The following DNMBP variants were observed in gnomAD, a reference collection of about 807,000 sequenced individuals.
DNMBP encodes dynamin-binding protein.
In DNMBP, 87 loss-of-function variants were observed where a neutral mutation model predicts 150.0. The observed-to-expected ratio is 0.58, with a 90% confidence interval of 0.49 to 0.69. DNMBP has a LOEUF of 0.69. Among genes scored for constraint, DNMBP ranks in the 30% least tolerant of loss-of-function variants. The pLI is 0.00. For synonymous variants in DNMBP, 711 were observed against 750.4 expected (o/e 0.95, Z 0.86); for missense variants, 1,774 against 1,949.0 (o/e 0.91, Z 1.69).
At chr10:99,889,142 G>T (rs2039519110) in intron 11 of DNMBP, 189 bp from the exon 12 acceptor site, 1 of 595,578 alleles carries the variant, frequency 1.7e-6, no homozygotes, top group Non-Finnish European at 2.8e-6. Flanking sequence ...ACAGAGAAAG[G>T]CTAAGACTTT....
At chr10:99,914,074 C>G in intron 4 of DNMBP, 1 of 1,426,922 alleles carries the variant, frequency 7.0e-7, no homozygotes, top group Non-Finnish European at 9.2e-7. Context: ...ATAGGGTCGG[C>G]ATTTCCCCCA....
chr10:99,912,404 C>T (rs2133252134), intron 4 of DNMBP, among the ~76,000 whole-genome samples: 1 of 152,218 alleles, frequency 6.6e-6, no homozygotes, highest in African/African-American at 2.4e-5. Context: ...AGCCAGCCAG[C>T]CTATGTATTA....
chr10:99,937,058 G>C (rs1273400321), intron 4 of DNMBP, among the ~76,000 whole-genome samples: 1 of 151,968 alleles, frequency 6.6e-6, no homozygotes, highest in Non-Finnish European at 1.5e-5. Flanking sequence ...CCGCCACCAC[G>C]CCCAGCTAAT....
At chr10:99,915,186 C>T (rs574603992) in intron 4 of DNMBP, among the ~76,000 whole-genome samples, 1 of 134,156 alleles carries the variant, frequency 7.5e-6, no homozygotes, top group East Asian at 2.0e-4. Context: ...TACATCTACA[C>T]ACATATACAC....
intron 14 of DNMBP, among the ~76,000 whole-genome samples, chr10:99,884,949 A>G (rs1377025870): frequency 2.0e-5 from 3 of 152,108 alleles, no homozygotes; most frequent in Non-Finnish European, 2.9e-5. Flanking sequence ...ATTAATGTCT[A>G]TGGGATCATA....
At chr10:99,959,667 A>G (rs2040540470) in intron 3 of DNMBP, among the ~76,000 whole-genome samples, 1 of 151,886 alleles carries the variant, frequency 6.6e-6, no homozygotes, top group Non-Finnish European at 1.5e-5. Context: ...AGCCTGGGCA[A>G]CATAGTGAGA....
intron 1 of DNMBP, among the ~76,000 whole-genome samples, chr10:99,978,382 G>T (rs1481292170): frequency 2.0e-5 from 3 of 151,954 alleles, no homozygotes; most frequent in Non-Finnish European, 4.4e-5. Flanking sequence ...CTAGATTCTA[G>T]CATTAACATC....
At chr10:99,961,015 A>C (rs1291067103) in intron 3 of DNMBP, among the ~76,000 whole-genome samples, 2 of 151,890 alleles carry the variant, frequency 1.3e-5, no homozygotes, top group Non-Finnish European at 2.9e-5. Flanking sequence ...GAAAAAAAAA[A>C]ACTAAGTCTG....
chr10:99,953,572 CACTTTGGGAGGCCAAGGTGG>C (rs1221852054), intron 4 of DNMBP, among the ~76,000 whole-genome samples: 1 of 152,122 alleles, frequency 6.6e-6, no homozygotes. Context: ...GGTATCCCAG[CACTTTGGGAGGCCAAGGTGG>C]GTGGATCACT....
chr10:99,916,572 A>G (rs553927832), intron 4 of DNMBP, among the ~76,000 whole-genome samples: 132 of 152,356 alleles, frequency 8.7e-4, no homozygotes, highest in Non-Finnish European at 1.6e-3. Context: ...GGCCAATTTT[A>G]TTAAGTCTTT....
intron 4 of DNMBP, among the ~76,000 whole-genome samples, chr10:99,916,323 C>T (rs574466877): frequency 3.9e-5 from 6 of 152,228 alleles, no homozygotes; most frequent in African/African-American, 1.4e-4. Flanking sequence ...ATTAGTTGGG[C>T]GTGGTGGCGT....
intron 1 of DNMBP, among the ~76,000 whole-genome samples, chr10:99,997,954 G>A (rs1440506510): frequency 7.1e-4 from 49 of 69,022 alleles, no homozygotes; most frequent in Admixed American, 1.2e-3. Flanking sequence ...AAAAAAAAAA[G>A]CTGGACGCGG....
intron 1 of DNMBP, among the ~76,000 whole-genome samples, chr10:99,992,340 TTAAC>T (rs1210402998): frequency 1.3e-5 from 2 of 152,012 alleles, no homozygotes; most frequent in African/African-American, 4.8e-5. Flanking sequence ...CAGCAATTAC[TTAAC>T]TTTTTATTAA....
chr10:100,000,126 G>A (rs750778961), intron 1 of DNMBP, among the ~76,000 whole-genome samples: 3 of 152,114 alleles, frequency 2.0e-5, no homozygotes, highest in African/African-American at 2.4e-5. Context: ...ACTGTTCATC[G>A]TAACAATTCT....
At chr10:99,958,624 T>G (rs149182731) in intron 3 of DNMBP, among the ~76,000 whole-genome samples, 2 of 152,360 alleles carry the variant, frequency 1.3e-5, no homozygotes, top group East Asian at 3.9e-4. Flanking sequence ...TTGTATCTAC[T>G]ACCATGGGCT....
intron 14 of DNMBP, 54 bp downstream of exon 14, chr10:99,885,633 G>C (rs2039444656): frequency 6.7e-7 from 1 of 1,482,176 alleles, no homozygotes; most frequent in Middle Eastern, 2.4e-4. Flanking sequence ...CCTGGCTGCA[G>C]GGTTCCCCCT....
chr10:99,976,014 C>T (rs2040724744), intron 1 of DNMBP, among the ~76,000 whole-genome samples: 1 of 152,110 alleles, frequency 6.6e-6, no homozygotes, highest in Non-Finnish European at 1.5e-5. Flanking sequence ...GATAGCTGTC[C>T]AAGGTCACAT....
At chr10:99,984,537 A>T (rs2133369659) in intron 1 of DNMBP, among the ~76,000 whole-genome samples, 1 of 152,378 alleles carries the variant, frequency 6.6e-6, no homozygotes, top group South Asian at 2.1e-4. Context: ...ATAAACGTGT[A>T]AAAACACGCA....
Position 99,998,296 on chromosome 10 carries a change from G to A in DNMBP, c.-11+11542C>T, listed in dbSNP as rs116415885. Reference sequence around the variant, plus strand: ...AAAGCCACTTAAGAAACACATTAACGGCCGGGCGCAGTGGCTCACGCCTGT... The same window carrying A: ...AAAGCCACTTAAGAAACACATTAACAGCCGGGCGCAGTGGCTCACGCCTGT... On this transcript the variant is annotated intron_variant, in intron 1 of 16. Coordinates refer to ENST00000324109, the MANE Select transcript of DNMBP (RefSeq NM_015221.4). Among the ~76,000 whole-genome samples, 818 of 150,656 alleles carry A rather than the reference G, an allele frequency of 5.4e-3. 11 individuals carry two copies. The highest frequency in any genetic ancestry group is 0.019 in the African/African-American group (787 of 41,014).
Sources: gnomAD v4.1 joint callset for allele counts (sites outside exome capture counted in the v4.1 genomes callset) on GRCh38, gnomAD v4.1.1 for gene constraint, MANE v1.5 for transcripts, NCBI Gene and HGNC (gene_info 2026-07-23, HGNC 2026-07-21) for gene names.